RAD18: variants seen among roughly 807,000 people sequenced by gnomAD.
The protein encoded by RAD18 is RAD18 E3 ubiquitin protein ligase, also known as E3 ubiquitin-protein ligase RAD18.
RAD18 carries 47 observed loss-of-function variants against 60.4 expected under a neutral mutation model. That is an observed-to-expected ratio of 0.78 (90% CI 0.62 to 0.99). The LOEUF is 0.99. Among genes scored for constraint, RAD18 ranks in the 50% least tolerant of loss-of-function variants. The probability of loss-of-function intolerance (pLI) is 0.00; values close to 1 mark genes in which losing one functional copy is unlikely to be tolerated. For synonymous variants in RAD18, 225 were observed against 195.5 expected (o/e 1.15, Z -1.26); for missense variants, 640 against 593.3 (o/e 1.08, Z -0.82).
chr3:8,940,709 A>G (rs1940732882), intron 5 of RAD18, among the ~76,000 whole-genome samples: 1 of 152,228 alleles, frequency 6.6e-6, no homozygotes, highest in Non-Finnish European at 1.5e-5. Context: ...GTGCTATAGC[A>G]CTTTTGTGAT....
chr3:8,888,015 A>T (rs879100050), intron 12 of RAD18, among the ~76,000 whole-genome samples: 1 of 152,120 alleles, frequency 6.6e-6, no homozygotes, highest in Admixed American at 6.5e-5. Context: ...GTAACTAGGG[A>T]CCACTCCTAT....
intron 7 of RAD18, among the ~76,000 whole-genome samples, chr3:8,920,186 G>A (rs1397951481): frequency 6.6e-6 from 1 of 151,566 alleles, no homozygotes; most frequent in African/African-American, 2.4e-5. Context: ...GGCTGAGGCA[G>A]GAGAATGGCG....
At chr3:8,913,351 C>T (rs918024857) in intron 8 of RAD18, among the ~76,000 whole-genome samples, 1 of 152,132 alleles carries the variant, frequency 6.6e-6, no homozygotes, top group African/African-American at 2.4e-5. Flanking sequence ...GGTAGCTTAT[C>T]AAACACAACC....
intron 4 of RAD18, among the ~76,000 whole-genome samples, chr3:8,945,064 G>A (rs887861102): frequency 2.6e-5 from 4 of 152,158 alleles, no homozygotes; most frequent in African/African-American, 9.7e-5. Flanking sequence ...ATTGTATTAG[G>A]ACTATAAGTA....
intron 6 of RAD18, among the ~76,000 whole-genome samples, chr3:8,937,142 G>A (rs1940667154): frequency 6.6e-6 from 1 of 152,134 alleles, no homozygotes; most frequent in Non-Finnish European, 1.5e-5. Flanking sequence ...ACTCTACAAG[G>A]TTGATAAAAT....
chr3:8,947,393 T>A, intron 3 of RAD18, 103 bp from the exon 4 acceptor site: 2 of 862,858 alleles, frequency 2.3e-6, no homozygotes, highest in South Asian at 3.1e-5. Context: ...AGGTTCTCCA[T>A]CCCACTAAGT....
chr3:8,905,243 T>G (rs897608840), intron 9 of RAD18, among the ~76,000 whole-genome samples: 3 of 152,234 alleles, frequency 2.0e-5, no homozygotes, highest in African/African-American at 7.2e-5. Context: ...TCAACTCATT[T>G]TCTTCCAGAT....
At chr3:8,925,205 G>C (rs1437506065) in intron 7 of RAD18, among the ~76,000 whole-genome samples, 1 of 148,878 alleles carries the variant, frequency 6.7e-6, no homozygotes, top group Non-Finnish European at 1.5e-5. Flanking sequence ...TCAAATAGAC[G>C]CAATAAAAAA....
rs1939387451 is a variant in RAD18, at chr3:8,877,743, A to G, written c.*3614T>C. On this transcript the variant is annotated 3_prime_UTR_variant, in exon 13 of 13. Coordinates refer to ENST00000264926, the MANE Select transcript of RAD18 (RefSeq NM_020165.4). ...GGCAGGAACTGTCTTTGTTTTGCACATTACTTGACATATAGTCCTAATAGT... is the reference window on the plus strand; with the variant it reads ...GGCAGGAACTGTCTTTGTTTTGCACGTTACTTGACATATAGTCCTAATAGT... 6.6e-6 allele frequency: 1 copy of G among 152,140 alleles called. No individual in the cohort carries two copies. The highest frequency in any genetic ancestry group is 2.4e-5 in the African/African-American group (1 of 41,418). The allele number at this position is 152,140 out of a possible 1,614,324, so 9.4% of individuals were successfully genotyped here. A position where few individuals can be genotyped will look rare whatever the true frequency, so the allele number is the denominator to read the frequency against.
At chr3:8,925,792 C>T (rs1040859303) in intron 7 of RAD18, among the ~76,000 whole-genome samples, 1 of 152,168 alleles carries the variant, frequency 6.6e-6, no homozygotes, top group South Asian at 2.1e-4. Context: ...AGCATATAAA[C>T]AGAACCAATG....
intron 7 of RAD18, among the ~76,000 whole-genome samples, chr3:8,919,843 AT>A (rs1332087204): frequency 1.1e-4 from 8 of 74,384 alleles, no homozygotes; most frequent in Non-Finnish European, 2.5e-4. Context: ...GGTAATGAAA[AT>A]AATGGGGGTG....
chr3:8,896,470 G>T (rs57216095), intron 11 of RAD18, among the ~76,000 whole-genome samples: 17,109 of 152,130 alleles, frequency 0.11, 1,074 homozygotes, highest in East Asian at 0.24. Flanking sequence ...CAGAAAACTG[G>T]CTTTACCATT....
chr3:8,933,036 C>A (rs1362150843), intron 7 of RAD18, among the ~76,000 whole-genome samples: 2 of 151,990 alleles, frequency 1.3e-5, no homozygotes, highest in Admixed American at 1.3e-4. Flanking sequence ...ACGGAGGTTA[C>A]AGTGAGCCGA....
At position 8,879,330 on chromosome 3, in the gene RAD18, A is replaced by G. The variant is rs551077928; in HGVS notation, c.*2027T>C. 6.6e-6 allele frequency: 1 copy of G among 152,328 alleles called. No individual in the cohort carries two copies. Among genetic ancestry groups the G allele is most frequent in the South Asian group, 2.1e-4 (1 of 4,828 alleles). 9.4% of individuals were successfully genotyped at this position (152,328 alleles called of 1,614,324 possible). On this transcript the variant is annotated 3_prime_UTR_variant, in exon 13 of 13. Transcript: ENST00000264926. The stretch of plus-strand genomic sequence containing the variant: ...ACTGAAGTAAAATGAGGCCATACGC[A>G]TGGGCCCTGATCCAATGACTGCTGT...
chr3:8,912,764 C>T (rs1940125325), intron 8 of RAD18, among the ~76,000 whole-genome samples: 1 of 152,122 alleles, frequency 6.6e-6, no homozygotes, highest in African/African-American at 2.4e-5. Context: ...TCCAATCTAA[C>T]TTCTCCAGGT....
chr3:8,938,784 A>T (rs1473506099), intron 6 of RAD18, among the ~76,000 whole-genome samples: 1 of 152,084 alleles, frequency 6.6e-6, no homozygotes, highest in African/African-American at 2.4e-5. Context: ...CCAAACTACC[A>T]TCTCATCTTT....
chr3:8,904,948 C>CA (rs1939979475), intron 9 of RAD18, among the ~76,000 whole-genome samples: 2 of 152,186 alleles, frequency 1.3e-5, no homozygotes, highest in South Asian at 4.1e-4. Context: ...CTAATTACCC[C>CA]ACAGCTAGGC....
chr3:8,934,895 AC>A lies in RAD18; in HGVS notation c.889+975del, dbSNP rs202103510. Among the ~76,000 whole-genome samples, 1,015 of 152,358 alleles carry A rather than the reference AC, an allele frequency of 6.7e-3. 13 individuals are homozygous for A. The highest frequency in any genetic ancestry group is 0.023 in the African/African-American group (969 of 41,566). On this transcript the variant is annotated intron_variant, in intron 7 of 12. Coordinates refer to ENST00000264926, the MANE Select transcript of RAD18 (RefSeq NM_020165.4). ...CCATATAGCAACAAAAATGAAAAAA[AC>A]ATGACCATATAAAAAAACATGAATG...
intron 2 of RAD18, among the ~76,000 whole-genome samples, chr3:8,951,215 T>C (rs1422813881): frequency 2.0e-5 from 3 of 152,140 alleles, no homozygotes; most frequent in African/African-American, 7.2e-5. Flanking sequence ...GCCAATCATA[T>C]TGAAACTACA....
Sources: allele counts gnomAD v4.1 joint callset (sites outside exome capture counted in the v4.1 genomes callset), GRCh38; gene constraint gnomAD v4.1.1; transcripts MANE v1.5; gene names NCBI Gene and HGNC (gene_info 2026-07-23, HGNC 2026-07-21).